The following BCAS1 variants were observed in gnomAD, a reference collection of about 807,000 sequenced individuals.
BCAS1 encodes the protein brain enriched myelin associated protein 1.
In BCAS1, 46 loss-of-function variants were observed where a neutral mutation model predicts 65.4. The ratio of observed to expected loss-of-function variants is 0.70; its 90% CI spans 0.55 to 0.90. The LOEUF (loss-of-function observed/expected upper bound fraction) is 0.90, where lower values mean the gene tolerates loss of function less well. BCAS1 is among the 40% of genes least tolerant of loss of function. BCAS1 has a pLI of 0.00. For missense variants in BCAS1, 793 were observed against 771.2 expected, an observed-to-expected ratio of 1.03 and a Z score of -0.33; for synonymous variants, 298 against 293.5, an observed-to-expected ratio of 1.02 and a Z score of -0.16.
At chr20:54,044,457 T>G (rs754059300) in intron 3 of BCAS1, among the ~76,000 whole-genome samples, 1 of 152,242 alleles carries the variant, frequency 6.6e-6, no homozygotes, top group Admixed American at 6.5e-5. Context: ...GTAAGTTGTG[T>G]CCAGAGTATC....
At chr20:54,026,701 C>T (rs1326050301) in intron 4 of BCAS1, among the ~76,000 whole-genome samples, 1 of 152,204 alleles carries the variant, frequency 6.6e-6, no homozygotes, top group Admixed American at 6.5e-5. Flanking sequence ...TCCACTCAGG[C>T]GCAAGTAGTA....
chr20:53,963,675 C>T (rs979198175), intron 10 of BCAS1, among the ~76,000 whole-genome samples: 3 of 152,198 alleles, frequency 2.0e-5, no homozygotes, highest in African/African-American at 7.2e-5. Flanking sequence ...ACATCCCCAA[C>T]CGCTCAAAAA....
chr20:54,006,314 C>T (rs544817745), intron 4 of BCAS1, among the ~76,000 whole-genome samples: 2 of 152,312 alleles, frequency 1.3e-5, no homozygotes, highest in Admixed American at 6.5e-5. Context: ...AAGCAAGTCC[C>T]CCTTCTTCCA....
intron 4 of BCAS1, among the ~76,000 whole-genome samples, chr20:53,997,227 A>C (rs2090940760): frequency 6.6e-6 from 1 of 152,238 alleles, no homozygotes; most frequent in Admixed American, 6.5e-5. Flanking sequence ...CAGGGATAAT[A>C]TCTACTTCAC....
intron 4 of BCAS1, among the ~76,000 whole-genome samples, chr20:54,020,997 T>C (rs16998751): frequency 0.047 from 7,213 of 152,284 alleles, 549 homozygotes; most frequent in African/African-American, 0.16. Context: ...TTACCATAGG[T>C]GGATACTGTA....
At chr20:54,006,035 A>G (rs1415901310) in intron 4 of BCAS1, among the ~76,000 whole-genome samples, 2 of 152,198 alleles carry the variant, frequency 1.3e-5, no homozygotes, top group African/African-American at 4.8e-5. Flanking sequence ...GTTTGGGCTC[A>G]GGCAGCCTCA....
intron 8 of BCAS1, among the ~76,000 whole-genome samples, chr20:53,983,645 C>T (rs923002753): frequency 5.9e-5 from 9 of 152,290 alleles, no homozygotes; most frequent in African/African-American, 2.2e-4. Context: ...TGCTCCTCTC[C>T]CTGGGGGCTC....
intron 3 of BCAS1, among the ~76,000 whole-genome samples, chr20:54,043,763 G>A (rs778976576): frequency 2.6e-5 from 4 of 152,172 alleles, no homozygotes; most frequent in Non-Finnish European, 5.9e-5. Flanking sequence ...TACAGAAACT[G>A]CACATCTAAC....
chr20:53,973,928 T>C (rs1038220810), intron 9 of BCAS1, among the ~76,000 whole-genome samples: 2 of 152,164 alleles, frequency 1.3e-5, no homozygotes, highest in Admixed American at 1.3e-4. Flanking sequence ...AGCTAGAGAA[T>C]TGTAAATGTA....
chr20:54,047,078 G>A (rs540798744), intron 3 of BCAS1, among the ~76,000 whole-genome samples: 1 of 152,268 alleles, frequency 6.6e-6, no homozygotes, highest in African/African-American at 2.4e-5. Flanking sequence ...CACAGGTCTG[G>A]TTCCTGGACT....
chr20:54,026,927 G>A (rs2091685506), intron 4 of BCAS1, among the ~76,000 whole-genome samples: 1 of 152,172 alleles, frequency 6.6e-6, no homozygotes, highest in South Asian at 2.1e-4. Context: ...TTCTCTCACT[G>A]GACAGCAAAC....
At chr20:54,028,305 G>A in intron 4 of BCAS1, 87 bp downstream of exon 4, 4 of 1,409,684 alleles carry the variant, frequency 2.8e-6, no homozygotes, top group Non-Finnish European at 4.0e-6. Context: ...CTAGGCCCAG[G>A]GTGACTGCAT....
intron 3 of BCAS1, among the ~76,000 whole-genome samples, chr20:54,051,911 G>A (rs1201600300): frequency 6.6e-6 from 1 of 151,994 alleles, no homozygotes; most frequent in Non-Finnish European, 1.5e-5. Flanking sequence ...GCTAATTTTT[G>A]TATTTTTAGT....
chr20:53,997,613 A>T (rs2090951182), intron 4 of BCAS1, among the ~76,000 whole-genome samples: 1 of 152,184 alleles, frequency 6.6e-6, no homozygotes, highest in Non-Finnish European at 1.5e-5. Context: ...CAAAAATGAA[A>T]TTTTTGGGTC....
chr20:54,053,818 G>A (rs183579171), intron 3 of BCAS1, among the ~76,000 whole-genome samples: 47 of 152,340 alleles, frequency 3.1e-4, no homozygotes, highest in Non-Finnish European at 4.4e-5. Context: ...TAGCATTCCA[G>A]CCTCTTTGGC....
chr20:53,997,567 A>G (rs924578513), intron 4 of BCAS1, among the ~76,000 whole-genome samples: 4 of 146,270 alleles, frequency 2.7e-5, no homozygotes, highest in African/African-American at 1.1e-4. Context: ...TTATTTTTAA[A>G]TACTCATGTA....
At chr20:53,980,040 G>T (rs2090438131) in intron 8 of BCAS1, among the ~76,000 whole-genome samples, 1 of 152,086 alleles carries the variant, frequency 6.6e-6, no homozygotes, top group African/African-American at 2.4e-5. Flanking sequence ...GTTATATTAG[G>T]TTCCAAAGTT....
rs371739710 is a variant in BCAS1 at position 54,028,372 on chromosome 20, A to T, written c.723+20T>A. On this transcript the variant is annotated intron_variant, in intron 4 of 12. Transcript: ENST00000688948. Reference sequence around the variant, plus strand: ...CGAGCATGCATTCAGAACCAAGTGGATACACCTTGGCACACTTACCTTCCC... The same window carrying T: ...CGAGCATGCATTCAGAACCAAGTGGTTACACCTTGGCACACTTACCTTCCC... 1.2e-6 allele frequency: 2 copies of T among 1,612,730 alleles called. No individual in the cohort carries two copies.
rs556860715 is a variant in BCAS1 at position 54,001,657 on chromosome 20, T to C, written c.724-5607A>G. Among the ~76,000 whole-genome samples the C allele has an allele frequency of 2.6e-4, 39 of 152,204 alleles. 1 individual carries two copies. The South Asian group carries it at 7.5e-3, about 29-fold the overall frequency. ...CTGCCCCCAATCAACTAATCAGCATTCTCCACGCCTTAGCAATCTGCCCAC... is the reference window on the plus strand; with the variant it reads ...CTGCCCCCAATCAACTAATCAGCATCCTCCACGCCTTAGCAATCTGCCCAC... On this transcript the variant is annotated intron_variant, in intron 4 of 12. Transcript: ENST00000688948.
Sources: gnomAD v4.1 joint callset for allele counts (sites outside exome capture counted in the v4.1 genomes callset) on GRCh38, gnomAD v4.1.1 for gene constraint, MANE v1.5 for transcripts, NCBI Gene and HGNC (gene_info 2026-07-23, HGNC 2026-07-21) for gene names.